Variants in PRKN observed in about 807,000 individuals in gnomAD.
PRKN encodes parkin RBR E3 ubiquitin protein ligase.
Under a neutral mutation model 59.5 loss-of-function variants are expected in PRKN, and 56 were observed. The ratio of observed to expected loss-of-function variants is 0.94; its 90% confidence interval spans 0.76 to 1.18. The LOEUF (loss-of-function observed/expected upper bound fraction) is 1.18. Ranked by LOEUF, PRKN falls within the 50% of genes most tolerant of loss-of-function variation. The probability of loss-of-function intolerance (pLI) is 0.00; values close to 1 mark genes in which losing one functional copy is unlikely to be tolerated. For synonymous variants in PRKN, 250 were observed against 222.1 expected, an observed-to-expected ratio of 1.13 and a Z score of -1.12; for missense variants, 657 against 596.4, an observed-to-expected ratio of 1.10 and a Z score of -1.06.
intron 6 of PRKN, among the ~76,000 whole-genome samples, chr6:161,954,505 A>G (rs1780101007): frequency 6.6e-6 from 1 of 152,228 alleles, no homozygotes; most frequent in South Asian, 2.1e-4. Context: ...ACCAAATAGC[A>G]TTAAAAATTC....
At chr6:161,890,379 A>G (rs555761682) in intron 6 of PRKN, among the ~76,000 whole-genome samples, 1 of 152,292 alleles carries the variant, frequency 6.6e-6, no homozygotes, top group South Asian at 2.1e-4. Context: ...TGGTCTTGGC[A>G]TCGCATCACA....
chr6:161,711,019 T>A (rs769809510), intron 7 of PRKN, among the ~76,000 whole-genome samples: 18 of 151,202 alleles, frequency 1.2e-4, no homozygotes, highest in Non-Finnish European at 2.5e-4. Flanking sequence ...ATTGTAGACA[T>A]GGAGAAAGGA....
chr6:162,101,553 T>A (rs1583033276), intron 4 of PRKN, among the ~76,000 whole-genome samples: 4 of 151,732 alleles, frequency 2.6e-5, no homozygotes, highest in Admixed American at 2.6e-4. Context: ...GCGCCTGCAG[T>A]CCCAGCTACT....
intron 1 of PRKN, among the ~76,000 whole-genome samples, chr6:162,527,299 T>A (rs1159167170): frequency 6.6e-6 from 1 of 152,192 alleles, no homozygotes; most frequent in Admixed American, 6.5e-5. Flanking sequence ...GAGTGTATGA[T>A]AGAGCTAATC....
Position 162,109,048 on chromosome 6 carries a change from AT to A in PRKN, c.535-54875del, listed in dbSNP as rs370926003. On this transcript the variant is annotated intron_variant, in intron 4 of 11. Transcript: ENST00000366898. Reference sequence around the variant, plus strand: ...GCATCCATATTTATACCCACTTTTAATTTCATGGGGTGGATTATGAAGAAAT... The same window carrying A: ...GCATCCATATTTATACCCACTTTTAATTCATGGGGTGGATTATGAAGAAAT... Among the ~76,000 whole-genome samples the A allele has an allele frequency of 1.3e-3, 199 of 152,320 alleles. 4 individuals carry two copies. The highest frequency in any genetic ancestry group is 4.4e-3 in the African/African-American group (181 of 41,576).
chr6:161,431,082 C>G (rs573548404), intron 9 of PRKN, among the ~76,000 whole-genome samples: 3 of 147,390 alleles, frequency 2.0e-5, no homozygotes, highest in Non-Finnish European at 4.4e-5. Context: ...GAGGTTGAAA[C>G]GAGTCGAGAT....
chr6:162,372,539 G>C (rs7761683), intron 2 of PRKN, among the ~76,000 whole-genome samples: 38,911 of 151,838 alleles, frequency 0.26, 5,125 homozygotes, highest in African/African-American at 0.27. Flanking sequence ...ATGGCAACAA[G>C]AGACACTGGG....
At chr6:162,605,868 CTATTT>C (rs1297525733) in intron 1 of PRKN, among the ~76,000 whole-genome samples, 20 of 150,232 alleles carry the variant, frequency 1.3e-4, no homozygotes, top group African/African-American at 4.1e-4. Flanking sequence ...CCAATGGCTT[CTATTT>C]TAAGTATTCA....
intron 5 of PRKN, among the ~76,000 whole-genome samples, chr6:162,016,507 T>G (rs572344423): frequency 6.6e-6 from 1 of 152,216 alleles, no homozygotes; most frequent in Admixed American, 6.5e-5. Context: ...TCATCTCCCA[T>G]CACGAGGAGG....
chr6:161,859,849 T>C (rs556415522), intron 6 of PRKN, among the ~76,000 whole-genome samples: 1 of 152,216 alleles, frequency 6.6e-6, no homozygotes, highest in Admixed American at 6.5e-5. Flanking sequence ...AATACTAAGA[T>C]TTATATATAA....
chr6:162,529,719 C>T (rs982078373), intron 1 of PRKN, among the ~76,000 whole-genome samples: 1 of 152,068 alleles, frequency 6.6e-6, no homozygotes, highest in African/African-American at 2.4e-5. Context: ...ATGTGTAGGA[C>T]AACTGAAGTC....
intron 9 of PRKN, among the ~76,000 whole-genome samples, chr6:161,532,164 CTCTATATATA>C (rs1252229823): frequency 0.01 from 682 of 67,930 alleles, 2 homozygotes; most frequent in African/African-American, 0.02. Context: ...CTCTCTCTCT[CTCTATATATA>C]TATATATATA....
At chr6:161,874,454 T>A (rs1339095622) in intron 6 of PRKN, among the ~76,000 whole-genome samples, 1 of 100,298 alleles carries the variant, frequency 1.0e-5, no homozygotes, top group African/African-American at 4.4e-5. Flanking sequence ...AAAATATATA[T>A]TATATGTAAA....
chr6:162,635,683 A>C (rs909229809), intron 1 of PRKN, among the ~76,000 whole-genome samples: 1 of 152,120 alleles, frequency 6.6e-6, no homozygotes, highest in Non-Finnish European at 1.5e-5. Context: ...TTATGATTTA[A>C]GAGTTTGTTG....
intron 6 of PRKN, among the ~76,000 whole-genome samples, chr6:161,924,650 C>T (rs1481392094): frequency 6.6e-6 from 1 of 152,174 alleles, no homozygotes; most frequent in Non-Finnish European, 1.5e-5. Flanking sequence ...AAAGGTGACT[C>T]ATTCTTCAGG....
chr6:161,409,235 C>T lies in PRKN; in HGVS notation c.1084-22358G>A, dbSNP rs964583491. Among the ~76,000 whole-genome samples, 1 of 152,152 alleles carries T rather than the reference C, an allele frequency of 6.6e-6. No homozygotes were observed. Among genetic ancestry groups the T allele is most frequent in the Non-Finnish European group, 1.5e-5 (1 of 68,042 alleles). On this transcript the variant is annotated intron_variant, in intron 9 of 11. Coordinates refer to ENST00000366898, the MANE Select transcript of PRKN (RefSeq NM_004562.3). The surrounding 1 kb of genome is among the most constrained non-coding windows in gnomAD (Gnocchi z 4.6). Reference sequence around the variant, plus strand: ...CTGGGATTACAGGTGTGAGCCACCACCCCCGGCCAGGAGAACACATTTTTA... The same window carrying T: ...CTGGGATTACAGGTGTGAGCCACCATCCCCGGCCAGGAGAACACATTTTTA...
At chr6:162,020,309 T>G (rs1443182842) in intron 5 of PRKN, among the ~76,000 whole-genome samples, 1 of 105,254 alleles carries the variant, frequency 9.5e-6, no homozygotes, top group Non-Finnish European at 1.8e-5. Flanking sequence ...AGTGACAGAA[T>G]GCTGACTAAG....
At chr6:162,199,177 T>C (rs954094150) in intron 4 of PRKN, among the ~76,000 whole-genome samples, 4 of 151,022 alleles carry the variant, frequency 2.6e-5, no homozygotes, top group East Asian at 2.0e-4. Context: ...ACTGTGGACA[T>C]ATGAGTATGT....
At chr6:161,840,323 G>T (rs746722561) in intron 6 of PRKN, among the ~76,000 whole-genome samples, 1 of 152,188 alleles carries the variant, frequency 6.6e-6, no homozygotes, top group African/African-American at 2.4e-5. Context: ...TGCAAAGACC[G>T]GGAATCAGCA....
Sources: allele counts gnomAD v4.1 joint callset (sites outside exome capture counted in the v4.1 genomes callset), GRCh38; gene constraint gnomAD v4.1.1; non-coding constraint Gnocchi (gnomAD v3.1); transcripts MANE v1.5; gene names NCBI Gene and HGNC (gene_info 2026-07-23, HGNC 2026-07-21).